Variants in SNX29 observed in about 807,000 individuals in gnomAD.
The protein encoded by SNX29 is sorting nexin-29.
SNX29 carries 78 observed loss-of-function variants against 102.1 expected under a neutral mutation model. The ratio of observed to expected loss-of-function variants is 0.76; its 90% CI spans 0.64 to 0.92. SNX29 has a LOEUF of 0.92. Among genes scored for constraint, SNX29 ranks in the 40% least tolerant of loss-of-function variants. SNX29 has a pLI of 0.00. For synonymous variants in SNX29, 580 were observed against 414.5 expected, an observed-to-expected ratio of 1.40 and a Z score of -4.85; for missense variants, 1,280 against 1,061.7, an observed-to-expected ratio of 1.21 and a Z score of -2.86.
chr16:12,355,866 AAAAAAAAAAAGAG>A (rs2082118660), intron 15 of SNX29, among the ~76,000 whole-genome samples: 2 of 140,796 alleles, frequency 1.4e-5, no homozygotes, highest in African/African-American at 2.9e-5. Context: ...AAAAAAAAAA[AAAAAAAAAAAGAG>A]AGAGGAAAAA....
intron 14 of SNX29, among the ~76,000 whole-genome samples, chr16:12,252,517 T>C (rs1023136744): frequency 5.3e-5 from 8 of 152,212 alleles, no homozygotes; most frequent in African/African-American, 1.4e-4. Context: ...CATTCTAAGT[T>C]CGTAGGAAGT....
chr16:12,417,608 C>A (rs139122797), intron 18 of SNX29, among the ~76,000 whole-genome samples: 2 of 151,966 alleles, frequency 1.3e-5, no homozygotes, highest in African/African-American at 4.8e-5. Context: ...TATTCCTCAT[C>A]ATTCCTTTTC....
intron 1 of SNX29, among the ~76,000 whole-genome samples, chr16:11,998,269 C>T (rs561399958): frequency 6.6e-6 from 1 of 152,322 alleles, no homozygotes; most frequent in African/African-American, 2.4e-5. Context: ...TCTGGTGCAT[C>T]ATACTCCGGG....
At chr16:12,536,626 A>AG (rs1181589164) in intron 20 of SNX29, among the ~76,000 whole-genome samples, 3 of 152,180 alleles carry the variant, frequency 2.0e-5, no homozygotes, top group Non-Finnish European at 4.4e-5. Flanking sequence ...TGGCTGCAGC[A>AG]GGGGTGTATA....
chr16:12,180,744 C>T (rs1000007758), intron 13 of SNX29, among the ~76,000 whole-genome samples: 1 of 152,162 alleles, frequency 6.6e-6, no homozygotes, highest in African/African-American at 2.4e-5. Flanking sequence ...CTCGGCCTCC[C>T]AAAGTGCTGG....
chr16:12,499,847 TG>T (rs1239060009), intron 19 of SNX29, among the ~76,000 whole-genome samples: 1 of 152,142 alleles, frequency 6.6e-6, no homozygotes, highest in Non-Finnish European at 1.5e-5. Flanking sequence ...GGCTAATTTT[TG>T]TATTTTTTTG....
chr16:12,431,741 G>C (rs2085325435), intron 18 of SNX29, among the ~76,000 whole-genome samples: 1 of 152,188 alleles, frequency 6.6e-6, no homozygotes. Flanking sequence ...GTTGCTCTTG[G>C]TCACAGCATC....
intron 13 of SNX29, among the ~76,000 whole-genome samples, chr16:12,178,386 G>A (rs927532816): frequency 6.6e-6 from 1 of 152,172 alleles, no homozygotes. Flanking sequence ...GCTCATTGGA[G>A]TGTGATGCTG....
intron 20 of SNX29, among the ~76,000 whole-genome samples, chr16:12,563,313 C>T (rs865802028): frequency 1.3e-5 from 2 of 152,016 alleles, no homozygotes; most frequent in Admixed American, 1.3e-4. Context: ...TGCTTTGTGA[C>T]TGGAGAGAGT....
At chr16:12,516,038 G>A (rs1406936685) in intron 19 of SNX29, among the ~76,000 whole-genome samples, 1 of 152,124 alleles carries the variant, frequency 6.6e-6, no homozygotes, top group African/African-American at 2.4e-5. Context: ...TCTCGGCTAG[G>A]CCTAGACGTG....
chr16:12,546,160 CAT>C (rs1170557216), intron 20 of SNX29: 2 of 152,158 alleles, frequency 1.3e-5, no homozygotes, highest in African/African-American at 4.8e-5. Context: ...CACCTGGTAA[CAT>C]AGGGATGGGC....
intron 20 of SNX29, among the ~76,000 whole-genome samples, chr16:12,530,579 C>G (rs1280101751): frequency 6.6e-6 from 1 of 150,568 alleles, no homozygotes; most frequent in African/African-American, 2.4e-5. Context: ...TGGTGGGGAA[C>G]AGTTGCGCTC....
At chr16:12,067,511 G>T (rs763335318) in intron 9 of SNX29, among the ~76,000 whole-genome samples, 32 of 152,034 alleles carry the variant, frequency 2.1e-4, no homozygotes, top group Non-Finnish European at 4.4e-4. Flanking sequence ...TTTTTGAGAC[G>T]GAGTCTCACT....
At chr16:12,332,935 C>A (rs1346123455) in intron 15 of SNX29, among the ~76,000 whole-genome samples, 7 of 152,054 alleles carry the variant, frequency 4.6e-5, no homozygotes, top group African/African-American at 9.7e-5. Flanking sequence ...CCCTCATGGC[C>A]ACCCCTGCTC....
Position 12,102,436 on chromosome 16 carries a change from C to T in SNX29, c.1402+23521C>T, listed in dbSNP as rs1190822729. On this transcript the variant is annotated intron_variant, in intron 11 of 20. Coordinates refer to ENST00000566228, the MANE Select transcript of SNX29 (RefSeq NM_032167.5). Reference sequence around the variant, plus strand: ...CATCCTCTCCAGTGTCTGTTGTTTCCTGACTTTTTAATGATCGCCATTCTA... The same window carrying T: ...CATCCTCTCCAGTGTCTGTTGTTTCTTGACTTTTTAATGATCGCCATTCTA... Among the ~76,000 whole-genome samples, 4 of 152,304 alleles carry T rather than the reference C, an allele frequency of 2.6e-5. No homozygotes were observed. In the East Asian group the frequency reaches 7.7e-4, roughly 29 times the overall value.
At chr16:12,175,651 CAA>C (rs367874903) in intron 13 of SNX29, among the ~76,000 whole-genome samples, 13 of 117,488 alleles carry the variant, frequency 1.1e-4, no homozygotes, top group Admixed American at 1.8e-4. Flanking sequence ...GACTCCGTCT[CAA>C]AAAAAAAAAA....
In SNX29 at chr16:12,390,150, GT is replaced by G. The variant is rs2083474812; in HGVS notation, c.1900-8295del. ...GTTACCCCGTGCGTGCAATTGAGGGGTGTGTGTGTGTGTGTGTGTGTGTGTG... is the reference window on the plus strand; with the variant it reads ...GTTACCCCGTGCGTGCAATTGAGGGGGTGTGTGTGTGTGTGTGTGTGTGTG... On this transcript the variant is annotated intron_variant, in intron 16 of 20. Transcript: ENST00000566228. Among the ~76,000 whole-genome samples the G allele has an allele frequency of 5.8e-3, 85 of 14,692 alleles. 9 individuals are homozygous for G. The highest frequency in any genetic ancestry group is 0.036 in the South Asian group (24 of 674). The allele number at this position is 14,692 out of a possible 152,430, so 9.6% of individuals were successfully genotyped here.
intron 13 of SNX29, among the ~76,000 whole-genome samples, chr16:12,163,536 C>T (rs568058917): frequency 4.6e-5 from 7 of 152,178 alleles, no homozygotes; most frequent in South Asian, 2.1e-4. Flanking sequence ...GATGCAGCAC[C>T]GATGAATTCA....
intron 20 of SNX29, among the ~76,000 whole-genome samples, chr16:12,547,477 A>G (rs1468444577): frequency 2.0e-5 from 3 of 152,150 alleles, no homozygotes; most frequent in Admixed American, 1.3e-4. Flanking sequence ...GGTATTCTCA[A>G]AGTAGAACTA....
Sources: gnomAD v4.1 joint callset for allele counts (sites outside exome capture counted in the v4.1 genomes callset) on GRCh38, gnomAD v4.1.1 for gene constraint, MANE v1.5 for transcripts, NCBI Gene and HGNC (gene_info 2026-07-23, HGNC 2026-07-21) for gene names.